The following RBM26 variants were observed in gnomAD, a reference collection of about 807,000 sequenced individuals.
RBM26 encodes RNA-binding protein 26.
In RBM26, 30 loss-of-function variants were observed where a neutral mutation model predicts 123.6. That is an observed-to-expected ratio of 0.24 (90% confidence interval 0.18 to 0.33). The LOEUF is 0.33. Ranked by LOEUF, RBM26 falls within the 10% of genes least tolerant of loss-of-function variation. The pLI, the probability that RBM26 is intolerant of heterozygous loss-of-function variation, is 1.00. For synonymous variants in RBM26, 400 were observed against 404.4 expected (o/e 0.99, Z 0.13); for missense variants, 947 against 1,203.6 (o/e 0.79, Z 3.15).
chr13:79,343,776 T>C (rs2071826922), intron 16 of RBM26, among the ~76,000 whole-genome samples: 1 of 151,984 alleles, frequency 6.6e-6, no homozygotes, highest in Non-Finnish European at 1.5e-5. Context: ...TTTACTTTTT[T>C]CTTTGTACTA....
chr13:79,342,619 T>A, intron 17 of RBM26, 45 bp downstream of exon 17: 2 of 1,454,566 alleles, frequency 1.4e-6, no homozygotes, highest in East Asian at 2.3e-5. Context: ...TAGTGTCTAA[T>A]GCTTGTTAAT....
intron 1 of RBM26, among the ~76,000 whole-genome samples, chr13:79,395,187 A>G (rs2078450135): frequency 6.6e-6 from 1 of 152,206 alleles, no homozygotes; most frequent in African/African-American, 2.4e-5. Context: ...TAGTAAGAAA[A>G]TGTGATCTAC....
intron 6 of RBM26, among the ~76,000 whole-genome samples, chr13:79,367,510 G>C (rs900444093): frequency 2.0e-5 from 3 of 151,684 alleles, no homozygotes; most frequent in African/African-American, 7.3e-5. Flanking sequence ...TAGGGTCATG[G>C]GGGTAGATCC....
rs981005408 is a variant in RBM26, at chr13:79,336,997, C to T, written c.2733+105G>A. ...AGATTAAACTCTTTGTTCAGATTAA[C>T]GAGTTGAAATTACTTATGTCCTTTT... On this transcript the variant is annotated intron_variant, in intron 19 of 21. Transcript: ENST00000438737. The T allele has an allele frequency of 3.5e-5, 36 of 1,022,164 alleles. 1 individual carries two copies. The highest frequency in any genetic ancestry group is 8.0e-5 in the African/African-American group (5 of 62,368). 63.3% of individuals were successfully genotyped at this position (1,022,164 alleles called of 1,614,324 possible). A position where few individuals can be genotyped will look rare whatever the true frequency, so the allele number is the denominator to read the frequency against.
Position 79,319,475 on chromosome 13 carries a change from C to T in RBM26, c.*1146G>A, listed in dbSNP as rs140060310. On this transcript the variant is annotated 3_prime_UTR_variant, in exon 22 of 22. Transcript: ENST00000438737. ...AAAATCACAGTATTGTTGCAAACAT[C>T]AAAGATTTTTATACAAGTATAGGAA... The T allele has an allele frequency of 3.0e-6, 3 of 984,200 alleles. No individual in the cohort carries two copies. Among genetic ancestry groups the T allele is most frequent in the Admixed American group, 6.2e-5 (1 of 16,136 alleles). 61.0% of individuals were successfully genotyped at this position (984,200 alleles called of 1,614,324 possible). A position where few individuals can be genotyped will look rare whatever the true frequency, so the allele number is the denominator to read the frequency against.
intron 18 of RBM26, among the ~76,000 whole-genome samples, 164 bp downstream of exon 18, chr13:79,340,959 T>C (rs559594276): frequency 1.3e-5 from 2 of 151,962 alleles, no homozygotes; most frequent in African/African-American, 2.4e-5. Flanking sequence ...TCTGAAAAAT[T>C]TGTTGACCTC....
chr13:79,323,101 A>G (rs1191407027), intron 20 of RBM26, among the ~76,000 whole-genome samples: 1 of 151,512 alleles, frequency 6.6e-6, no homozygotes, highest in Non-Finnish European at 1.5e-5. Flanking sequence ...TTTTCCTACC[A>G]AACTTTTATA....
In RBM26 at chr13:79,342,978, A is replaced by G. The variant is rs571203352; in HGVS notation, c.2260-147T>C. The G allele has an allele frequency of 9.5e-6, 5 of 526,722 alleles. No individual in the cohort carries two copies. In the East Asian group the frequency reaches 1.3e-4, roughly 14 times the overall value. 32.6% of individuals were successfully genotyped at this position (526,722 alleles called of 1,614,324 possible). A position where few individuals can be genotyped will look rare whatever the true frequency, so the allele number is the denominator to read the frequency against. On this transcript the variant is annotated intron_variant, in intron 16 of 21. Coordinates refer to ENST00000438737, the MANE Select transcript of RBM26 (RefSeq NM_001366735.2). ...GAAGGCTAACAACCATGAATTATCT[A>G]AAGATCGCAGAATAGCAGATTTGGT...
At chr13:79,317,168 T>G (rs1469639257), downstream of RBM26, among the ~76,000 whole-genome samples, 6 of 151,758 alleles carry the variant, frequency 4.0e-5, no homozygotes, top group Non-Finnish European at 8.8e-5. Context: ...CTCTATTTTA[T>G]AGGCTGAATG....
At chr13:79,331,113 T>A (rs905741241) in intron 20 of RBM26, among the ~76,000 whole-genome samples, 25 of 152,180 alleles carry the variant, frequency 1.6e-4, no homozygotes, top group African/African-American at 5.8e-4. Context: ...TGGGCTCAGG[T>A]GATCCTCCCA....
chr13:79,323,380 C>A (rs965901846), intron 20 of RBM26, among the ~76,000 whole-genome samples: 1 of 151,428 alleles, frequency 6.6e-6, no homozygotes, highest in Non-Finnish European at 1.5e-5. Context: ...AATTTTAAAC[C>A]TGCACATATA....
intron 1 of RBM26, among the ~76,000 whole-genome samples, chr13:79,388,253 G>A (rs925886478): frequency 5.9e-5 from 9 of 152,110 alleles, no homozygotes; most frequent in African/African-American, 1.9e-4. Context: ...GTACCACCAC[G>A]TCTGGCTAAT....
At chr13:79,324,756 CATGT>C (rs1339087179) in intron 20 of RBM26, among the ~76,000 whole-genome samples, 1 of 151,132 alleles carries the variant, frequency 6.6e-6, no homozygotes, top group Non-Finnish European at 1.5e-5. Flanking sequence ...AATTTTGTAG[CATGT>C]ATTAAATGTT....
At chr13:79,385,664 G>GA (rs1188827352) in intron 1 of RBM26, among the ~76,000 whole-genome samples, 1 of 152,108 alleles carries the variant, frequency 6.6e-6, no homozygotes, top group Non-Finnish European at 1.5e-5. Context: ...TTAAAATTGA[G>GA]AAAAAATTTA....
intron 1 of RBM26, among the ~76,000 whole-genome samples, chr13:79,379,641 G>C (rs1413946170): frequency 6.6e-6 from 1 of 150,868 alleles, no homozygotes; most frequent in African/African-American, 2.4e-5. Flanking sequence ...TTTAACCCTG[G>C]AGTAAGGAAG....
chr13:79,402,138 T>C (rs2079104302), intron 1 of RBM26, among the ~76,000 whole-genome samples: 1 of 152,080 alleles, frequency 6.6e-6, no homozygotes, highest in Non-Finnish European at 1.5e-5. Flanking sequence ...ACAAAGGAGC[T>C]TAATTTTTTT....
At position 79,405,869 on chromosome 13, in the gene RBM26, C is replaced by A; in HGVS notation, c.-95G>T. On this transcript the variant is annotated 5_prime_UTR_variant, in exon 1 of 22. Coordinates refer to ENST00000438737, the MANE Select transcript of RBM26 (RefSeq NM_001366735.2). ...CCCCGCCCCCTCCTCCGCGCGCCGCCCGCGTGGGCCGCGGTGGGAGGCGCC... is the reference window on the plus strand; with the variant it reads ...CCCCGCCCCCTCCTCCGCGCGCCGCACGCGTGGGCCGCGGTGGGAGGCGCC... The A allele has an allele frequency of 4.5e-6, 3 of 667,430 alleles. No homozygotes were observed. The highest frequency in any genetic ancestry group is 6.6e-5 in the South Asian group (1 of 15,252). The allele number at this position is 667,430 out of a possible 1,614,324, so 41.3% of individuals were successfully genotyped here.
At chr13:79,371,299 T>G in intron 4 of RBM26, 137 bp from the exon 5 acceptor site, 1 of 690,068 alleles carries the variant, frequency 1.4e-6, no homozygotes, top group South Asian at 1.9e-5. Flanking sequence ...AAAACTGAGC[T>G]TAATATTCAG....
intron 16 of RBM26, among the ~76,000 whole-genome samples, chr13:79,343,433 A>G (rs1031316671): frequency 1.3e-5 from 2 of 152,044 alleles, no homozygotes; most frequent in East Asian, 1.9e-4. Context: ...TTGGTTTTGT[A>G]AAGTATTGTG....
Sources: gnomAD v4.1 joint callset for allele counts (sites outside exome capture counted in the v4.1 genomes callset) on GRCh38, gnomAD v4.1.1 for gene constraint, MANE v1.5 for transcripts, NCBI Gene and HGNC (gene_info 2026-07-23, HGNC 2026-07-21) for gene names.